Variants in GALNT9 observed in about 807,000 individuals in gnomAD.
The protein encoded by GALNT9 is GalNAc transferase 9.
GALNT9 carries 47 observed loss-of-function variants against 63.1 expected under a neutral mutation model. The ratio of observed to expected loss-of-function variants is 0.75; its 90% confidence interval spans 0.59 to 0.95. The LOEUF (loss-of-function observed/expected upper bound fraction) is 0.95, where lower values mean the gene tolerates loss of function less well. Ranked by LOEUF, GALNT9 falls within the 40% of genes least tolerant of loss-of-function variation. The pLI is 0.00. For synonymous variants in GALNT9, 396 were observed against 365.7 expected (o/e 1.08, Z -0.94); for missense variants, 829 against 874.8 (o/e 0.95, Z 0.66).
At chr12:132,305,637 C>T (rs954899851) in intron 1 of GALNT9, among the ~76,000 whole-genome samples, 42 of 151,940 alleles carry the variant, frequency 2.8e-4, no homozygotes, top group Non-Finnish European at 1.3e-4. Context: ...ACACCCTCAC[C>T]CGGACACGCC....
chr12:132,226,228 C>T (rs1877681809), intron 6 of GALNT9, among the ~76,000 whole-genome samples: 1 of 147,678 alleles, frequency 6.8e-6, no homozygotes, highest in Non-Finnish European at 1.5e-5. Context: ...CACACATACA[C>T]CCCATACACA....
At chr12:132,228,271 C>T (rs1485740619) in intron 6 of GALNT9, among the ~76,000 whole-genome samples, 3 of 152,114 alleles carry the variant, frequency 2.0e-5, no homozygotes, top group African/African-American at 4.8e-5. Flanking sequence ...CATCCCTCCC[C>T]GGCGTCCCTC....
chr12:132,257,449 C>G (rs1208639264), intron 5 of GALNT9, among the ~76,000 whole-genome samples: 1 of 150,176 alleles, frequency 6.7e-6, no homozygotes, highest in African/African-American at 2.5e-5. Context: ...TCCCCATGCC[C>G]TCATCCCCGG....
chr12:132,257,526 GGCCCTCATCCCCAC>G (rs1879176516), intron 5 of GALNT9, among the ~76,000 whole-genome samples, 149 bp downstream of exon 5: 21 of 112,312 alleles, frequency 1.9e-4, no homozygotes, highest in Admixed American at 3.4e-4. Flanking sequence ...CCTCGTCCCC[GGCCCTCATCCCCAC>G]GCCCTCGTCC....
intron 9 of GALNT9, 103 bp from the exon 10 acceptor site, chr12:132,198,062 G>T (rs1401061581): frequency 4.1e-6 from 4 of 985,596 alleles, no homozygotes; most frequent in African/African-American, 1.6e-5. Context: ...ACGGGGCCCT[G>T]CGCGGCTGCC....
chr12:132,291,403 ACAGCGCACACG>A (rs1880832035), intron 1 of GALNT9, among the ~76,000 whole-genome samples: 4 of 120,632 alleles, frequency 3.3e-5, no homozygotes, highest in Admixed American at 7.9e-5. Context: ...ACCCACGTCC[ACAGCGCACACG>A]TCCACAGCAC....
At chr12:132,208,128 A>T (rs1876803723) in intron 6 of GALNT9, among the ~76,000 whole-genome samples, 1 of 152,200 alleles carries the variant, frequency 6.6e-6, no homozygotes. Context: ...GTCTCAAGGG[A>T]AACAGTTTAA....
In GALNT9 at chr12:132,197,401, G is replaced by C. The variant is rs75443449; in HGVS notation, c.1666-148C>G. The stretch of plus-strand genomic sequence containing the variant: ...AAGCCAGCATCACAGCAGCACCCAG[G>C]GGGGCCGGGAAGGGGCTGACTTCAG... On this transcript the variant is annotated intron_variant, in intron 10 of 10. Transcript: ENST00000328957. The C allele has an allele frequency of 2.6e-5, 32 of 1,219,474 alleles. 1 individual carries two copies. The highest frequency in any genetic ancestry group is 2.5e-4 in the East Asian group (10 of 39,330). 75.5% of individuals were successfully genotyped at this position (1,219,474 alleles called of 1,614,324 possible).
At chr12:132,203,774 G>A (rs970544420) in intron 6 of GALNT9, 84 bp from the exon 7 acceptor site, 74 of 1,457,524 alleles carry the variant, frequency 5.1e-5, no homozygotes, top group Non-Finnish European at 6.9e-5. Flanking sequence ...GAGAGGCCAA[G>A]GGGCCCGGCC....
chr12:132,328,703 G>A (rs1277805927), intron 1 of GALNT9, among the ~76,000 whole-genome samples: 5 of 152,218 alleles, frequency 3.3e-5, no homozygotes, highest in African/African-American at 1.2e-4. Context: ...AAGTTCCCTC[G>A]GAGAGCAAGT....
intron 1 of GALNT9, among the ~76,000 whole-genome samples, chr12:132,290,903 C>G (rs1419524615): frequency 2.1e-5 from 1 of 46,660 alleles, no homozygotes; most frequent in Admixed American, 2.2e-4. Context: ...ACAGCACCCA[C>G]GTCCACAGCA....
At chr12:132,304,502 C>CG (rs1881482035) in intron 1 of GALNT9, among the ~76,000 whole-genome samples, 1 of 63,944 alleles carries the variant, frequency 1.6e-5, no homozygotes, top group African/African-American at 9.4e-5. Flanking sequence ...CACCCTTGCC[C>CG]GGGCACACCC....
intron 1 of GALNT9, among the ~76,000 whole-genome samples, chr12:132,312,513 C>T (rs1881851303): frequency 6.6e-6 from 1 of 152,212 alleles, no homozygotes; most frequent in Admixed American, 6.5e-5. Context: ...TGGGCCCCCA[C>T]CCCTCCCCAT....
intron 1 of GALNT9, among the ~76,000 whole-genome samples, chr12:132,287,563 G>A (rs981511499): frequency 4.6e-5 from 7 of 152,144 alleles, no homozygotes; most frequent in Non-Finnish European, 8.8e-5. Flanking sequence ...ATCAACACAG[G>A]AGACCTCATC....
chr12:132,276,053 C>A (rs989795828), intron 2 of GALNT9, among the ~76,000 whole-genome samples: 1 of 152,260 alleles, frequency 6.6e-6, no homozygotes, highest in African/African-American at 2.4e-5. Context: ...CAGCAGGAAG[C>A]CACAGGGCAG....
At chr12:132,231,053 G>A (rs1280133527) in intron 6 of GALNT9, among the ~76,000 whole-genome samples, 20 of 132,898 alleles carry the variant, frequency 1.5e-4, no homozygotes, top group East Asian at 4.6e-4. Flanking sequence ...AGGAGACAGC[G>A]TGGAGTCCCT....
At position 132,203,799 on chromosome 12, in the gene GALNT9, C is replaced by CG; in HGVS notation, c.1078-110_1078-109insC. 4.2e-6 allele frequency: 5 copies of CG among 1,186,830 alleles called. No individual in the cohort carries two copies. The African/African-American group carries it at 7.8e-5, about 19-fold the overall frequency. 73.5% of individuals were successfully genotyped at this position (1,186,830 alleles called of 1,614,324 possible). ...GGGGCCCGGCCCTCTGTTCCTGGGG[C>CG]ACCCCCACCACCGACGGGCCTGGTG... On this transcript the variant is annotated intron_variant, in intron 6 of 10. Transcript: ENST00000328957.
rs967284237 is a variant in GALNT9 at position 132,286,984 on chromosome 12, G to A, written c.239-554C>T. On this transcript the variant is annotated intron_variant, in intron 1 of 10. Coordinates refer to ENST00000328957, the MANE Select transcript of GALNT9 (RefSeq NM_001122636.2). The surrounding 1 kb of genome is among the most constrained non-coding windows in gnomAD (Gnocchi z 7.4). Reference sequence around the variant, plus strand: ...CTCCCAAAGTGCTGGGATTACAGGCGTGAGTCACTGCACTGGCCAATACTT... The same window carrying A: ...CTCCCAAAGTGCTGGGATTACAGGCATGAGTCACTGCACTGGCCAATACTT... Among the ~76,000 whole-genome samples, 8 of 151,572 alleles carry A rather than the reference G, an allele frequency of 5.3e-5. No individual in the cohort carries two copies. The highest frequency in any genetic ancestry group is 3.3e-4 in the Admixed American group (5 of 15,212).
At chr12:132,217,318 C>G (rs917229760) in intron 6 of GALNT9, among the ~76,000 whole-genome samples, 3 of 151,124 alleles carry the variant, frequency 2.0e-5, no homozygotes, top group African/African-American at 7.3e-5. Flanking sequence ...TCCATCCATT[C>G]ACCCATCCAT....
Sources: allele counts gnomAD v4.1 joint callset (sites outside exome capture counted in the v4.1 genomes callset), GRCh38; gene constraint gnomAD v4.1.1; non-coding constraint Gnocchi (gnomAD v3.1); transcripts MANE v1.5; gene names NCBI Gene and HGNC (gene_info 2026-07-23, HGNC 2026-07-21).